Variants in DOCK3 observed in about 807,000 individuals in gnomAD.
DOCK3 encodes the protein dedicator of cytokinesis 3.
Under a neutral mutation model 265.6 loss-of-function variants are expected in DOCK3, and 60 were observed. That is an observed-to-expected ratio of 0.23 (90% CI 0.18 to 0.28). The LOEUF is 0.28. Among genes scored for constraint, DOCK3 ranks in the 10% least tolerant of loss-of-function variants. The probability of loss-of-function intolerance (pLI) is 1.00; values close to 1 mark genes in which losing one functional copy is unlikely to be tolerated. For missense variants in DOCK3, 1,981 were observed against 2,594.3 expected, an observed-to-expected ratio of 0.76 and a Z score of 5.14; for synonymous variants, 881 against 938.0, an observed-to-expected ratio of 0.94 and a Z score of 1.11.
chr3:51,345,398 A>T (rs1322895447), intron 38 of DOCK3, among the ~76,000 whole-genome samples: 2 of 152,160 alleles, frequency 1.3e-5, no homozygotes, highest in Non-Finnish European at 2.9e-5. Flanking sequence ...ATGGCTTGAG[A>T]CTACGAGTTT....
intron 2 of DOCK3, among the ~76,000 whole-genome samples, chr3:50,815,553 T>G (rs902415634): frequency 6.6e-6 from 1 of 152,202 alleles, no homozygotes; most frequent in African/African-American, 2.4e-5. Context: ...CTTGGTCAGT[T>G]TTCTAATTTT....
intron 9 of DOCK3, among the ~76,000 whole-genome samples, chr3:51,115,003 A>G (rs926392076): frequency 6.6e-6 from 1 of 152,084 alleles, no homozygotes; most frequent in Non-Finnish European, 1.5e-5. Flanking sequence ...TTATGACTGC[A>G]TAGTATTCCA....
At chr3:51,332,944 A>G (rs1576835617) in intron 33 of DOCK3, 57 bp from the exon 34 acceptor site, 3 of 1,610,588 alleles carry the variant, frequency 1.9e-6, no homozygotes, top group Non-Finnish European at 2.5e-6. Context: ...ATGTGTTTTC[A>G]TTTGTTGCTG....
Position 51,359,954 on chromosome 3 carries a change from A to G in DOCK3, c.4885-557A>G, listed in dbSNP as rs563816712. 2.6e-5 allele frequency among the ~76,000 whole-genome samples: 4 copies of G among 152,328 alleles called. No homozygotes were observed. Among genetic ancestry groups the G allele is most frequent in the African/African-American group, 9.6e-5 (4 of 41,566 alleles). On this transcript the variant is annotated intron_variant, in intron 46 of 52. Transcript: ENST00000266037. This position sits in a 1 kb window ranked among gnomAD's most constrained non-coding sequence, Gnocchi z 4.8. ...ATCAGAAGTGTCTGCCCAGAAATCT[A>G]CATACTTAATATGAATTAATTAAGC...
rs569865955 is a variant in DOCK3 at position 51,055,883 on chromosome 3, A to T, written c.316-8565A>T. 9.8e-5 allele frequency among the ~76,000 whole-genome samples: 15 copies of T among 152,326 alleles called. No homozygotes were observed. The East Asian group carries it at 2.9e-3, about 29-fold the overall frequency. On this transcript the variant is annotated intron_variant, in intron 5 of 52. Transcript: ENST00000266037. The stretch of plus-strand genomic sequence containing the variant: ...TGTGTTGTAAGAGAGGATTAGAGCT[A>T]TAATGCTATTTGTTATTTGGAATAT...
intron 3 of DOCK3, chr3:50,876,606 G>A (rs2047711531): frequency 6.6e-6 from 1 of 152,152 alleles, no homozygotes; most frequent in Admixed American, 6.6e-5. Context: ...CTTGATCAGA[G>A]GTACACCGGT....
At chr3:50,871,303 T>C (rs1458832766) in intron 3 of DOCK3, among the ~76,000 whole-genome samples, 1 of 152,020 alleles carries the variant, frequency 6.6e-6, no homozygotes, top group Non-Finnish European at 1.5e-5. Flanking sequence ...TAAAAGTTTT[T>C]TTTTTTTTTC....
At chr3:50,928,783 A>G (rs1422576542) in intron 4 of DOCK3, among the ~76,000 whole-genome samples, 3 of 152,234 alleles carry the variant, frequency 2.0e-5, no homozygotes, top group Non-Finnish European at 4.4e-5. Context: ...TTCCCAGTGT[A>G]TGATGGTTTG....
chr3:51,256,619 G>A (rs1460716104), intron 22 of DOCK3, among the ~76,000 whole-genome samples: 5 of 144,548 alleles, frequency 3.5e-5, no homozygotes, highest in African/African-American at 5.1e-5. Context: ...TTTAGATGGA[G>A]TCTCACTCTT....
intron 1 of DOCK3, among the ~76,000 whole-genome samples, chr3:50,689,089 C>T (rs1490901871): frequency 2.0e-5 from 3 of 152,192 alleles, no homozygotes; most frequent in Non-Finnish European, 4.4e-5. Flanking sequence ...CACTGTAAAG[C>T]GTGCCATCTG....
intron 7 of DOCK3, among the ~76,000 whole-genome samples, chr3:51,079,247 T>A (rs531526884): frequency 6.6e-6 from 1 of 152,158 alleles, no homozygotes; most frequent in Non-Finnish European, 1.5e-5. Flanking sequence ...AAATGAAGCC[T>A]CCATGCAAAT....
rs7630259 is a variant in DOCK3 at position 51,341,117 on chromosome 3, G to A, written c.3767-120G>A. ...TTCATCTTTAGTATCCAGTGTCCCC[G>A]ACCTGGGCTGCACATGACTTGCGCT... On this transcript the variant is annotated intron_variant, in intron 37 of 52. Transcript: ENST00000266037. 7.9e-3 allele frequency: 9,952 copies of A among 1,259,692 alleles called. 538 individuals are homozygous for A. The African/African-American group carries it at 0.12, about 15-fold the overall frequency. 78.0% of individuals were successfully genotyped at this position (1,259,692 alleles called of 1,614,324 possible). A position where few individuals can be genotyped will look rare whatever the true frequency, so the allele number is the denominator to read the frequency against.
chr3:50,831,670 A>G (rs12491402), intron 2 of DOCK3, among the ~76,000 whole-genome samples: 13,506 of 152,206 alleles, frequency 0.089, 1,231 homozygotes, highest in East Asian at 0.33. Flanking sequence ...TGCTATTGTG[A>G]ATAGTGCTGC....
intron 5 of DOCK3, among the ~76,000 whole-genome samples, chr3:50,977,789 C>T (rs376100458): frequency 7.9e-5 from 12 of 151,968 alleles, no homozygotes; most frequent in African/African-American, 2.4e-4. Flanking sequence ...ACCAATCAGA[C>T]GTAGATTTGG....
At chr3:51,043,220 A>G (rs1261772554) in intron 5 of DOCK3, among the ~76,000 whole-genome samples, 1 of 152,224 alleles carries the variant, frequency 6.6e-6, no homozygotes, top group Non-Finnish European at 1.5e-5. Flanking sequence ...GCAGCATGGT[A>G]CTGGTACAAG....
Position 51,073,128 on chromosome 3 carries a change from T to C in DOCK3, c.465-2228T>C, listed in dbSNP as rs2081941729. On this transcript the variant is annotated intron_variant, in intron 6 of 52. Coordinates refer to ENST00000266037, the MANE Select transcript of DOCK3 (RefSeq NM_004947.5). ...AAATGATTAAAGAATATGTATGAAATGTTGTCTCTTCATTTTTTATTATTT... is the reference window on the plus strand; with the variant it reads ...AAATGATTAAAGAATATGTATGAAACGTTGTCTCTTCATTTTTTATTATTT... Among the ~76,000 whole-genome samples the C allele has an allele frequency of 2.0e-5, 3 of 152,286 alleles. 1 individual carries two copies. The South Asian group carries it at 6.2e-4, about 32-fold the overall frequency.
chr3:51,138,878 T>C (rs1194106007), intron 9 of DOCK3, among the ~76,000 whole-genome samples: 2 of 152,196 alleles, frequency 1.3e-5, no homozygotes, highest in East Asian at 3.9e-4. Context: ...TATCAGATAA[T>C]TGGGGATTGT....
intron 24 of DOCK3, among the ~76,000 whole-genome samples, chr3:51,272,621 C>A (rs974817632): frequency 5.3e-5 from 8 of 151,856 alleles, no homozygotes; most frequent in African/African-American, 1.7e-4. Flanking sequence ...ACAAAAATTT[C>A]TCAGCCCACT....
At chr3:51,180,710 CA>C (rs2087241375) in intron 12 of DOCK3, among the ~76,000 whole-genome samples, 1 of 152,152 alleles carries the variant, frequency 6.6e-6, no homozygotes. Flanking sequence ...GTAACATTCA[CA>C]GGTTCTGGGG....
Sources: gnomAD v4.1 joint callset for allele counts (sites outside exome capture counted in the v4.1 genomes callset) on GRCh38, gnomAD v4.1.1 for gene constraint, Gnocchi (gnomAD v3.1) non-coding constraint, MANE v1.5 for transcripts, NCBI Gene and HGNC (gene_info 2026-07-23, HGNC 2026-07-21) for gene names.